TSNARE1: variants seen among roughly 807,000 people sequenced by gnomAD.
TSNARE1 encodes t-SNARE domain containing 1, also known as t-SNARE domain-containing protein 1.
TSNARE1 carries 49 observed loss-of-function variants against 62.0 expected under a neutral mutation model. The observed-to-expected ratio is 0.79, with a 90% CI of 0.63 to 1.00. The LOEUF is 1.00. Ranked by LOEUF, TSNARE1 falls within the 50% of genes least tolerant of loss-of-function variation. The probability of loss-of-function intolerance (pLI) is 0.00; values close to 1 mark genes in which losing one functional copy is unlikely to be tolerated. For missense variants in TSNARE1, 755 were observed against 700.1 expected (o/e 1.08, Z -0.88); for synonymous variants, 328 against 294.4 (o/e 1.11, Z -1.17).
intron 12 of TSNARE1, among the ~76,000 whole-genome samples, chr8:142,237,777 T>A (rs1295821040): frequency 6.6e-6 from 1 of 152,172 alleles, no homozygotes; most frequent in Non-Finnish European, 1.5e-5. Context: ...GGAGGGCCCA[T>A]GAGCTGGATC....
chr8:142,250,337 G>A (rs977761677), intron 12 of TSNARE1, among the ~76,000 whole-genome samples: 1 of 152,196 alleles, frequency 6.6e-6, no homozygotes, highest in Non-Finnish European at 1.5e-5. Context: ...CCCTGGAGTA[G>A]GAGCGAGTTA....
At chr8:142,270,808 C>CA in intron 12 of TSNARE1, 1 of 985,462 alleles carries the variant, frequency 1.0e-6, no homozygotes, top group Non-Finnish European at 1.2e-6. Context: ...TTGGAGCCTC[C>CA]AACAGCATCA....
At chr8:142,293,328 G>T (rs1357306984) in intron 10 of TSNARE1, among the ~76,000 whole-genome samples, 2 of 152,236 alleles carry the variant, frequency 1.3e-5, no homozygotes, top group Non-Finnish European at 2.9e-5. Flanking sequence ...GGGAGGGGCA[G>T]GTGGAGATCC....
intron 1 of TSNARE1, among the ~76,000 whole-genome samples, chr8:142,384,623 C>G (rs1475290625): frequency 6.6e-6 from 1 of 152,096 alleles, no homozygotes; most frequent in East Asian, 1.9e-4. Context: ...GACTGGATAG[C>G]CCCACGCAAA....
At chr8:142,228,050 A>G (rs1816922650) in intron 13 of TSNARE1, among the ~76,000 whole-genome samples, 1 of 152,184 alleles carries the variant, frequency 6.6e-6, no homozygotes, top group South Asian at 2.1e-4. Flanking sequence ...CCATTCCACC[A>G]GCAACCAGCA....
intron 1 of TSNARE1, among the ~76,000 whole-genome samples, chr8:142,400,159 A>G (rs1465235710): frequency 6.6e-6 from 1 of 151,762 alleles, no homozygotes; most frequent in Non-Finnish European, 1.5e-5. Context: ...AAAAAGAAGA[A>G]GTGGCTGGGC....
intron 1 of TSNARE1, among the ~76,000 whole-genome samples, chr8:142,374,496 G>A (rs1487970903): frequency 2.0e-5 from 3 of 151,540 alleles, no homozygotes; most frequent in African/African-American, 7.3e-5. Context: ...GGCTAACATG[G>A]TGAAACCCCG....
intron 10 of TSNARE1, among the ~76,000 whole-genome samples, chr8:142,288,350 G>A (rs1011663917): frequency 6.6e-6 from 1 of 152,264 alleles, no homozygotes; most frequent in African/African-American, 2.4e-5. Flanking sequence ...AACCCCAAAA[G>A]CGCGGGCTGG....
chr8:142,274,754 G>T (rs1443884470), intron 12 of TSNARE1, 27 bp downstream of exon 12: 6 of 1,500,372 alleles, frequency 4.0e-6, no homozygotes, highest in Non-Finnish European at 4.5e-6. Context: ...GGGCCGGCCG[G>T]GCACTGTGGC....
At chr8:142,354,091 A>G (rs1035380300) in intron 2 of TSNARE1, among the ~76,000 whole-genome samples, 5 of 152,090 alleles carry the variant, frequency 3.3e-5, no homozygotes, top group Non-Finnish European at 7.4e-5. Context: ...GCAGTCAGGT[A>G]CCATGAGGAC....
At chr8:142,396,449 GCCTGTGAACC>G (rs1228562588) in intron 1 of TSNARE1, among the ~76,000 whole-genome samples, 1 of 152,142 alleles carries the variant, frequency 6.6e-6, no homozygotes, top group Non-Finnish European at 1.5e-5. Context: ...ATTCCTTCAA[GCCTGTGAACC>G]CCTGCCACAC....
chr8:142,254,689 C>A (rs113234742), intron 12 of TSNARE1, among the ~76,000 whole-genome samples: 7 of 152,324 alleles, frequency 4.6e-5, no homozygotes, highest in African/African-American at 1.7e-4. Flanking sequence ...GAGGCCTGGA[C>A]TCGAACCCTG....
intron 12 of TSNARE1, among the ~76,000 whole-genome samples, chr8:142,260,255 G>A (rs1340662594): frequency 6.6e-6 from 1 of 152,178 alleles, no homozygotes; most frequent in African/African-American, 2.4e-5. Context: ...GTCAAATCAT[G>A]ATTTCAGCAC....
At chr8:142,304,698 C>T (rs1423606716) in intron 9 of TSNARE1, among the ~76,000 whole-genome samples, 2 of 152,232 alleles carry the variant, frequency 1.3e-5, no homozygotes, top group African/African-American at 2.4e-5. Flanking sequence ...CTGGAGAGCT[C>T]GAGCTGAGGC....
At chr8:142,274,988 G>A in intron 11 of TSNARE1, 125 bp from the exon 12 acceptor site, 2 of 1,385,492 alleles carry the variant, frequency 1.4e-6, no homozygotes. Context: ...AGAGGCTGCA[G>A]GGATGGGCGC....
intron 12 of TSNARE1, chr8:142,270,426 A>C (rs1819420113): frequency 1.0e-6 from 1 of 985,024 alleles, no homozygotes; most frequent in Non-Finnish European, 1.2e-6. Context: ...TGCAAGAAAA[A>C]TCTACAGGTA....
At chr8:142,388,795 C>T (rs926127121) in intron 1 of TSNARE1, among the ~76,000 whole-genome samples, 3 of 152,046 alleles carry the variant, frequency 2.0e-5, no homozygotes, top group Admixed American at 6.5e-5. Context: ...TGGTCTCAAA[C>T]GCCTGACCTC....
chr8:142,330,659 CG>C (rs1830883156), intron 6 of TSNARE1, among the ~76,000 whole-genome samples: 4 of 152,218 alleles, frequency 2.6e-5, no homozygotes, highest in Admixed American at 2.0e-4. Context: ...TACGTCGGGG[CG>C]GGGTGCACCT....
At chr8:142,251,252 G>A (rs1052334753) in intron 12 of TSNARE1, among the ~76,000 whole-genome samples, 5 of 146,936 alleles carry the variant, frequency 3.4e-5, no homozygotes, top group Non-Finnish European at 1.5e-5. Flanking sequence ...ACCGCAGCCT[G>A]CCCCCCATGC....
Sources: gnomAD v4.1 joint callset for allele counts (sites outside exome capture counted in the v4.1 genomes callset) on GRCh38, gnomAD v4.1.1 for gene constraint, MANE v1.5 for transcripts, NCBI Gene and HGNC (gene_info 2026-07-23, HGNC 2026-07-21) for gene names.